FRMPD4: variants seen among roughly 807,000 people sequenced by gnomAD.
The protein encoded by FRMPD4 is FERM and PDZ domain-containing protein 4.
Under a neutral mutation model 94.1 loss-of-function variants are expected in FRMPD4, and 22 were observed. The ratio of observed to expected loss-of-function variants is 0.23; its 90% CI spans 0.17 to 0.33. FRMPD4 has a LOEUF of 0.33. Among genes scored for constraint, FRMPD4 ranks in the 10% least tolerant of loss-of-function variants. The pLI, the probability that FRMPD4 is intolerant of heterozygous loss-of-function variation, is 1.00. For missense variants in FRMPD4, 1,111 were observed against 1,339.9 expected, an observed-to-expected ratio of 0.83 and a Z score of 2.67; for synonymous variants, 631 against 548.6, an observed-to-expected ratio of 1.15 and a Z score of -2.10.
chrX:12,721,454 G>A lies in FRMPD4; in HGVS notation c.4885G>A (p.Glu1629Lys). 5.3e-6 allele frequency: 4 copies of A among 754,739 alleles called. No homozygotes were observed. The highest frequency in any genetic ancestry group is 4.7e-6 in the Non-Finnish European group (3 of 638,299). The allele number at this position is 754,739 out of a possible 1,213,427, so 62.2% of individuals were successfully genotyped here. A position where few individuals can be genotyped will look rare whatever the true frequency, so the allele number is the denominator to read the frequency against. The change falls in exon 17 of 17, where the codon GAG becomes AAG. Residue 1629 changes from glutamate to lysine, a missense_variant. Around this residue, in one of 8 missense-constraint regions of FRMPD4, gnomAD observed 551 missense variants for 591.6 expected, o/e 0.93. Coordinates refer to ENST00000675598, the MANE Select transcript of FRMPD4 (RefSeq NM_001368397.1). ...LVRATKEKRE[E>K]SRPEAYDLTL... is the part of the protein sequence containing the mutation. ...CAGGGCAACCAAGGAGAAGAGGGAGGAGTCACGCCCTGAAGCGTACGACCT... is the reference window on the plus strand; with the variant it reads ...CAGGGCAACCAAGGAGAAGAGGGAGAAGTCACGCCCTGAAGCGTACGACCT...
chrX:11,890,947 G>A (rs1284747848), intron 3 of FRMPD4, among the ~76,000 whole-genome samples: 1 of 112,732 alleles, frequency 8.9e-6, no homozygotes, highest in East Asian at 2.8e-4. Flanking sequence ...GACAGATGGT[G>A]CAGGCCTGCT....
intron 1 of FRMPD4, among the ~76,000 whole-genome samples, chrX:12,324,571 A>G (rs1378396818): frequency 8.9e-6 from 1 of 111,967 alleles, no homozygotes; most frequent in Non-Finnish European, 1.9e-5. Flanking sequence ...CTGAAGTGCA[A>G]TTTGAAAATA....
At chrX:11,864,750 C>T (rs774110616) in intron 1 of FRMPD4, among the ~76,000 whole-genome samples, 27 of 111,541 alleles carry the variant, frequency 2.4e-4, no homozygotes, top group Non-Finnish European at 4.1e-4. Flanking sequence ...TTCCATTGAC[C>T]TTATGGCTCT....
intron 1 of FRMPD4, among the ~76,000 whole-genome samples, chrX:12,367,015 ACT>A (rs1491331403): frequency 9.0e-6 from 1 of 110,665 alleles, no homozygotes; most frequent in Non-Finnish European, 1.9e-5. Flanking sequence ...AGGCACACAG[ACT>A]CTGCACTTCA....
chrX:11,840,056 C>T (rs774707117), intron 1 of FRMPD4, among the ~76,000 whole-genome samples: 4 of 111,370 alleles, frequency 3.6e-5, no homozygotes, highest in Non-Finnish European at 7.6e-5. Context: ...AATATTTTAA[C>T]GCTGCATTTC....
At chrX:12,193,919 ACT>A (rs2056536238) in intron 1 of FRMPD4, among the ~76,000 whole-genome samples, 1 of 107,886 alleles carries the variant, frequency 9.3e-6, no homozygotes, top group Non-Finnish European at 1.9e-5. Context: ...AGATTGAAAA[ACT>A]AGATGTACTA....
At chrX:11,926,269 A>AAG (rs1555913704) in intron 3 of FRMPD4, among the ~76,000 whole-genome samples, 49 of 99,362 alleles carry the variant, frequency 4.9e-4, no homozygotes, top group South Asian at 4.8e-3. Flanking sequence ...AAAAAAAAAA[A>AAG]AAAAAAAAAA....
At chrX:12,632,518 C>G (rs765618707) in intron 4 of FRMPD4, among the ~76,000 whole-genome samples, 12 of 112,213 alleles carry the variant, frequency 1.1e-4, no homozygotes, top group Non-Finnish European at 2.1e-4. Context: ...AGAAGATGCA[C>G]CTCACTGTTT....
chrX:12,324,761 G>A (rs948353769), intron 1 of FRMPD4, among the ~76,000 whole-genome samples: 1 of 107,457 alleles, frequency 9.3e-6, no homozygotes, highest in Non-Finnish European at 2.0e-5. Context: ...CTTTTCTTTA[G>A]TCAATATATT....
chrX:12,498,933 A>G, intron 2 of FRMPD4, 137 bp downstream of exon 2: 1 of 302,459 alleles, frequency 3.3e-6, no homozygotes, highest in Non-Finnish European at 6.0e-6. Flanking sequence ...GGATCTCTTA[A>G]GCCAGCTGCT....
chrX:12,137,821 G>GT (rs1197199902), upstream of FRMPD4, among the ~76,000 whole-genome samples: 2 of 111,934 alleles, frequency 1.8e-5, no homozygotes, highest in Non-Finnish European at 1.9e-5. Context: ...GTTTTGTTTT[G>GT]TTTTTTTCTT....
chrX:12,537,312 C>G (rs1412122234), intron 2 of FRMPD4, among the ~76,000 whole-genome samples: 2 of 111,408 alleles, frequency 1.8e-5, no homozygotes, highest in Non-Finnish European at 3.8e-5. Context: ...TAAGAAGAGT[C>G]CAGACTATTT....
At chrX:12,355,347 G>A (rs756346522) in intron 1 of FRMPD4, among the ~76,000 whole-genome samples, 6 of 110,739 alleles carry the variant, frequency 5.4e-5, no homozygotes, top group Non-Finnish European at 1.1e-4. Context: ...CCTGGCTAAT[G>A]TTTTGTAATT....
intron 1 of FRMPD4, among the ~76,000 whole-genome samples, chrX:12,475,273 T>TA (rs1308371865): frequency 8.9e-6 from 1 of 112,165 alleles, no homozygotes; most frequent in Non-Finnish European, 1.9e-5. Context: ...CCCTTCGTGC[T>TA]AAAAACTCTC....
At chrX:12,607,596 G>A (rs1356954149) in intron 2 of FRMPD4, among the ~76,000 whole-genome samples, 1 of 112,158 alleles carries the variant, frequency 8.9e-6, no homozygotes, top group Non-Finnish European at 1.9e-5. Context: ...GATTGCACCT[G>A]GCTTACACCT....
chrX:11,967,934 A>G (rs747169193), intron 3 of FRMPD4, among the ~76,000 whole-genome samples: 9 of 109,600 alleles, frequency 8.2e-5, no homozygotes, highest in Admixed American at 2.9e-4. Flanking sequence ...GTTGCCTTTT[A>G]TGTCTATTTG....
Position 12,547,560 on chromosome X carries a change from T to A in FRMPD4, c.158+48764T>A, listed in dbSNP as rs1236542350. ...GCTACTCTTATTCCCATACATACTG[T>A]CTATAGCTACTTTCACACCAGAAAT... On this transcript the variant is annotated intron_variant, in intron 2 of 16. Transcript: ENST00000675598. Among the ~76,000 whole-genome samples, 3 of 112,483 alleles carry A rather than the reference T, an allele frequency of 2.7e-5. No homozygotes were observed. In the Admixed American group the frequency reaches 2.8e-4, roughly 11 times the overall value.
At chrX:12,652,149 T>G (rs2059600887) in intron 4 of FRMPD4, among the ~76,000 whole-genome samples, 1 of 112,417 alleles carries the variant, frequency 8.9e-6, no homozygotes, top group Middle Eastern at 4.2e-3. Context: ...CTAATTTATT[T>G]TTAACATAAA....
intron 1 of FRMPD4, among the ~76,000 whole-genome samples, chrX:11,853,572 A>C (rs777561819): frequency 8.9e-6 from 1 of 111,884 alleles, no homozygotes; most frequent in Non-Finnish European, 1.9e-5. Context: ...CAGAAATTCA[A>C]ACAACCATCA....
Sources: gnomAD v4.1 joint callset for allele counts (sites outside exome capture counted in the v4.1 genomes callset) on GRCh38, gnomAD v4.1.1 for gene constraint, gnomAD v4.1.1 regional missense constraint, MANE v1.5 for transcripts, NCBI Gene and HGNC (gene_info 2026-07-23, HGNC 2026-07-21) for gene names.